The following DNAAF11 variants were observed in gnomAD, a reference collection of about 807,000 sequenced individuals.
The protein encoded by DNAAF11 is leucine rich repeat containing 6.
DNAAF11 carries 45 observed loss-of-function variants against 60.8 expected under a neutral mutation model. That is an observed-to-expected ratio of 0.74 (90% CI 0.58 to 0.95). The LOEUF is 0.95. Ranked by LOEUF, DNAAF11 falls within the 40% of genes least tolerant of loss-of-function variation. The probability of loss-of-function intolerance (pLI) is 0.00; values close to 1 mark genes in which losing one functional copy is unlikely to be tolerated. For missense variants in DNAAF11, 546 were observed against 546.2 expected, an observed-to-expected ratio of 1.00 and a Z score of 0.00; for synonymous variants, 191 against 183.5, an observed-to-expected ratio of 1.04 and a Z score of -0.33.
the DNAAF11 span, among the ~76,000 whole-genome samples, chr8:132,682,409 C>T: frequency 2.0e-5 from 3 of 152,194 alleles, no homozygotes; most frequent in African/African-American, 7.2e-5. Context: ...CCATTTCATC[C>T]ATCAGCTTAA....
chr8:132,575,584 C>T (rs557195775), intron 11 of DNAAF11, among the ~76,000 whole-genome samples: 2 of 152,172 alleles, frequency 1.3e-5, no homozygotes, highest in African/African-American at 4.8e-5. Flanking sequence ...ATAAACAAGC[C>T]AGGTTGAAGC....
chr8:132,617,926 C>T (rs1191470802), intron 7 of DNAAF11, among the ~76,000 whole-genome samples: 3 of 149,490 alleles, frequency 2.0e-5, no homozygotes, highest in Non-Finnish European at 4.4e-5. Flanking sequence ...TGACTTTCTT[C>T]ACAGAATTGG....
chr8:132,638,728 G>C (rs1821560291), intron 3 of DNAAF11, among the ~76,000 whole-genome samples: 1 of 152,124 alleles, frequency 6.6e-6, no homozygotes, highest in Non-Finnish European at 1.5e-5. Context: ...AATAGAAAAA[G>C]GGTGAGTCAC....
the DNAAF11 span, among the ~76,000 whole-genome samples, chr8:132,689,356 T>C: frequency 2.0e-5 from 3 of 152,230 alleles, no homozygotes; most frequent in Non-Finnish European, 4.4e-5. Flanking sequence ...TGCCCAAACC[T>C]GATTATCAGA....
chr8:132,651,481 C>T (rs993890319), intron 3 of DNAAF11, among the ~76,000 whole-genome samples: 2 of 152,088 alleles, frequency 1.3e-5, no homozygotes, highest in African/African-American at 2.4e-5. Flanking sequence ...CCCCCTCCAC[C>T]GCCCTTACCA....
At chr8:132,646,770 G>T (rs1012783110) in intron 3 of DNAAF11, among the ~76,000 whole-genome samples, 1 of 152,114 alleles carries the variant, frequency 6.6e-6, no homozygotes. Context: ...ATGGTAAAGG[G>T]ATCAATTCAA....
At chr8:132,601,376 G>T (rs375711285) in intron 10 of DNAAF11, among the ~76,000 whole-genome samples, 12,846 of 151,556 alleles carry the variant, frequency 0.085, 715 homozygotes, top group South Asian at 0.14. Context: ...GATTCTTCAA[G>T]GATCTAGAAC....
intron 3 of DNAAF11, among the ~76,000 whole-genome samples, chr8:132,639,683 C>T (rs1242904696): frequency 6.6e-6 from 1 of 152,128 alleles, no homozygotes; most frequent in African/African-American, 2.4e-5. Context: ...TCCACGTTTT[C>T]CTCTTATTAA....
At chr8:132,661,761 T>G (rs1488763974) in intron 1 of DNAAF11, 134 bp from the exon 2 acceptor site, 3 of 843,070 alleles carry the variant, frequency 3.6e-6, no homozygotes, top group South Asian at 1.4e-5. Context: ...CAAGCGATTT[T>G]CAAAGTGAGA....
At chr8:132,678,245 G>T (rs546750474), upstream of DNAAF11, among the ~76,000 whole-genome samples, 1 of 152,176 alleles carries the variant, frequency 6.6e-6, no homozygotes, top group African/African-American at 2.4e-5. Context: ...GCTGCCTGCC[G>T]TATGGACCCT....
At position 132,646,466 on chromosome 8, in the gene DNAAF11, G is replaced by A. The variant is rs181158107; in HGVS notation, c.257-8359C>T. On this transcript the variant is annotated intron_variant, in intron 3 of 11. Transcript: ENST00000620350. ...TAACCAGCTAACATCATAATGACAG[G>A]ATCAAATTCTCACACAACAATATTA... Among the ~76,000 whole-genome samples the A allele has an allele frequency of 3.6e-3, 554 of 152,218 alleles. 2 individuals carry two copies. Among genetic ancestry groups the A allele is most frequent in the African/African-American group, 0.013 (521 of 41,538 alleles).
At chr8:132,609,350 G>GA (rs530973490) in intron 10 of DNAAF11, among the ~76,000 whole-genome samples, 359 of 115,832 alleles carry the variant, frequency 3.1e-3, no homozygotes, top group African/African-American at 6.9e-3. Flanking sequence ...CGGGAATCAA[G>GA]AAAAAAAAAA....
chr8:132,589,656 G>A (rs1273451184), intron 10 of DNAAF11, among the ~76,000 whole-genome samples: 1 of 152,160 alleles, frequency 6.6e-6, no homozygotes, highest in Admixed American at 6.6e-5. Context: ...TTGGGAAACT[G>A]TCTAAATGTG....
intron 10 of DNAAF11, among the ~76,000 whole-genome samples, chr8:132,604,004 G>A (rs1221415614): frequency 1.3e-5 from 2 of 152,266 alleles, no homozygotes; most frequent in East Asian, 3.9e-4. Flanking sequence ...AATGCAGATA[G>A]GTTGGTAGCC....
At chr8:132,627,130 A>G (rs972274535) in intron 5 of DNAAF11, among the ~76,000 whole-genome samples, 1 of 152,234 alleles carries the variant, frequency 6.6e-6, no homozygotes, top group Non-Finnish European at 1.5e-5. Context: ...TATTGAAAGA[A>G]TAATCTATGA....
intron 5 of DNAAF11, among the ~76,000 whole-genome samples, chr8:132,627,561 G>A (rs77063675): frequency 1.6e-3 from 246 of 152,168 alleles, no homozygotes; most frequent in African/African-American, 5.5e-3. Context: ...GGTACTAAAG[G>A]GTCTAAAGTT....
rs201994914 is a variant in DNAAF11, at chr8:132,659,232, A to G, written c.178+2228T>C. On this transcript the variant is annotated intron_variant, in intron 2 of 11. Coordinates refer to ENST00000620350, the MANE Select transcript of DNAAF11 (RefSeq NM_012472.6). ...CCATCTGTGTCTTCCCATGGGCAAC[A>G]GGGCTTTAGGAAAGGCAATTGCTTC... Among the ~76,000 whole-genome samples the G allele has an allele frequency of 4.2e-4, 64 of 152,340 alleles. No homozygotes were observed. In the East Asian group the frequency reaches 0.012, roughly 28 times the overall value.
In DNAAF11 at chr8:132,572,296, G is replaced by A; in HGVS notation, c.*10C>T. On this transcript the variant is annotated 3_prime_UTR_variant, in exon 12 of 12. Coordinates refer to ENST00000620350, the MANE Select transcript of DNAAF11 (RefSeq NM_012472.6). ...GTGGGTCTCAGCCAATGGCAACGCA[G>A]CCAGATGTTTCAAATCAGCGGAGGC... 1 of 1,610,984 alleles carries A rather than the reference G, an allele frequency of 6.2e-7. No individual in the cohort carries two copies. Among genetic ancestry groups the A allele is most frequent in the African/African-American group, 1.3e-5 (1 of 74,794 alleles).
chr8:132,600,754 A>G (rs1817527480), intron 10 of DNAAF11, among the ~76,000 whole-genome samples: 1 of 152,174 alleles, frequency 6.6e-6, no homozygotes, highest in Admixed American at 6.5e-5. Context: ...CCTTCCTTAC[A>G]CCTTAACAAA....
Sources: allele counts gnomAD v4.1 joint callset (sites outside exome capture counted in the v4.1 genomes callset), GRCh38; gene constraint gnomAD v4.1.1; transcripts MANE v1.5; gene names NCBI Gene and HGNC (gene_info 2026-07-23, HGNC 2026-07-21).